RGS22: variants seen among roughly 807,000 people sequenced by gnomAD.
The protein encoded by RGS22 is regulator of G protein signaling 22, also known as regulator of G-protein signaling 22.
RGS22 carries 148 observed loss-of-function variants against 172.9 expected under a neutral mutation model. The ratio of observed to expected loss-of-function variants is 0.86; its 90% confidence interval spans 0.75 to 0.98. The LOEUF (loss-of-function observed/expected upper bound fraction) is 0.98, where lower values mean the gene tolerates loss of function less well. RGS22 is among the 50% of genes least tolerant of loss of function. The pLI is 0.00. For missense variants in RGS22, 1,347 were observed against 1,440.8 expected (o/e 0.93, Z 1.05); for synonymous variants, 458 against 480.2 (o/e 0.95, Z 0.60).
chr8:100,091,578 A>C (rs898362299), intron 3 of RGS22, among the ~76,000 whole-genome samples: 5 of 152,210 alleles, frequency 3.3e-5, no homozygotes, highest in Non-Finnish European at 7.3e-5. Flanking sequence ...CATCTCTATA[A>C]CTTAAAATAG....
intron 14 of RGS22, among the ~76,000 whole-genome samples, chr8:100,014,657 G>A (rs1165345167): frequency 6.6e-6 from 1 of 151,992 alleles, no homozygotes; most frequent in Non-Finnish European, 1.5e-5. Context: ...CAGGCTCTTT[G>A]CTGATTCCTT....
intron 23 of RGS22, among the ~76,000 whole-genome samples, chr8:99,977,136 C>T (rs973267283): frequency 1.3e-5 from 2 of 151,772 alleles, no homozygotes; most frequent in African/African-American, 4.9e-5. Context: ...TGGAATATCA[C>T]TCTGTCACCC....
intron 14 of RGS22, among the ~76,000 whole-genome samples, chr8:100,012,099 TTATATA>T (rs111749978): frequency 6.6e-6 from 1 of 150,390 alleles, no homozygotes; most frequent in South Asian, 2.1e-4. Context: ...ATAATATATA[TTATATA>T]TATATATGTA....
intron 3 of RGS22, among the ~76,000 whole-genome samples, chr8:100,089,891 C>A (rs1053883758): frequency 5.9e-5 from 9 of 152,074 alleles, no homozygotes; most frequent in African/African-American, 2.2e-4. Context: ...AAGTTTTGAG[C>A]CATCTGAACC....
intron 4 of RGS22, among the ~76,000 whole-genome samples, chr8:100,076,100 G>C (rs1348761911): frequency 6.6e-6 from 1 of 152,000 alleles, no homozygotes; most frequent in Non-Finnish European, 1.5e-5. Context: ...AGTTTTAAGA[G>C]TTATTTTTAT....
At chr8:100,073,700 T>C (rs1447116554) in intron 4 of RGS22, among the ~76,000 whole-genome samples, 2 of 152,108 alleles carry the variant, frequency 1.3e-5, no homozygotes, top group African/African-American at 2.4e-5. Flanking sequence ...AAACTACATA[T>C]AAAGATCCAC....
At chr8:99,968,165 A>G (rs1360549434) in intron 23 of RGS22, among the ~76,000 whole-genome samples, 1 of 152,194 alleles carries the variant, frequency 6.6e-6, no homozygotes, top group Non-Finnish European at 1.5e-5. Flanking sequence ...TAAAACTAAC[A>G]AACAGAAAGC....
chr8:100,047,162 A>G (rs1401122501), intron 11 of RGS22, among the ~76,000 whole-genome samples: 1 of 152,144 alleles, frequency 6.6e-6, no homozygotes, highest in Non-Finnish European at 1.5e-5. Context: ...TAAGTTCTCA[A>G]ATTTGAGAAA....
chr8:99,984,394 T>G (rs960332059), intron 21 of RGS22, among the ~76,000 whole-genome samples: 1 of 152,226 alleles, frequency 6.6e-6, no homozygotes, highest in Non-Finnish European at 1.5e-5. Flanking sequence ...TATACAATTA[T>G]AATTTTGAGT....
chr8:100,063,356 C>A, intron 8 of RGS22, 60 bp downstream of exon 8: 1 of 1,272,340 alleles, frequency 7.9e-7, no homozygotes. Context: ...TGCTAAATAA[C>A]CCAAATTAAT....
chr8:99,961,478 T>G (rs1264429929), intron 27 of RGS22, among the ~76,000 whole-genome samples: 1 of 152,198 alleles, frequency 6.6e-6, no homozygotes, highest in African/African-American at 2.4e-5. Flanking sequence ...TTCCCCCTTT[T>G]GCTTGGCACT....
intron 14 of RGS22, among the ~76,000 whole-genome samples, chr8:100,038,368 G>C (rs1420727859): frequency 6.6e-6 from 1 of 151,708 alleles, no homozygotes; most frequent in African/African-American, 2.4e-5. Context: ...TTTGGCTTCA[G>C]GGTGGTCTTG....
intron 23 of RGS22, among the ~76,000 whole-genome samples, chr8:99,969,629 A>G (rs1192303510): frequency 2.0e-5 from 3 of 152,186 alleles, no homozygotes; most frequent in African/African-American, 7.2e-5. Context: ...CAAAAAAGAC[A>G]AAGAAGGGCA....
Position 99,962,400 on chromosome 8 carries a change from C to T in RGS22, c.*39G>A, listed in dbSNP as rs749358594. 7.5e-6 allele frequency: 12 copies of T among 1,610,636 alleles called. No individual in the cohort carries two copies. The South Asian group carries it at 1.3e-4, about 18-fold the overall frequency. On this transcript the variant is annotated 3_prime_UTR_variant, in exon 27 of 28. Transcript: ENST00000360863. Reference sequence around the variant, plus strand: ...CATTCAGACTATGACGTACCTTGAACCTATCAGCAGCAGGATGTAAACATT... The same window carrying T: ...CATTCAGACTATGACGTACCTTGAATCTATCAGCAGCAGGATGTAAACATT...
At chr8:100,091,704 G>T (rs1812594093) in intron 3 of RGS22, among the ~76,000 whole-genome samples, 1 of 152,150 alleles carries the variant, frequency 6.6e-6, no homozygotes, top group Admixed American at 6.5e-5. Flanking sequence ...GATCTATATA[G>T]AGATTTTTCT....
intron 5 of RGS22, among the ~76,000 whole-genome samples, 166 bp downstream of exon 5, chr8:100,071,979 T>C (rs912534757): frequency 6.6e-6 from 1 of 152,232 alleles, no homozygotes; most frequent in African/African-American, 2.4e-5. Context: ...GGAGGCTCTC[T>C]TGAAGCCAGG....
chr8:100,068,211 C>T (rs902309976), intron 6 of RGS22, among the ~76,000 whole-genome samples: 19 of 151,770 alleles, frequency 1.3e-4, no homozygotes, highest in African/African-American at 4.4e-4. Context: ...CAACATAGAC[C>T]CCGTCTCTAC....
Position 100,006,122 on chromosome 8 carries a change from A to C in RGS22, c.2362-13T>G. ...CCACCAGCTCCACCTAAAAAAAATA[A>C]ATAAAGCTTGTGACATCAAGAGAAT... On this transcript the variant is annotated splice_polypyrimidine_tract_variant and intron_variant, in intron 15 of 27. Transcript: ENST00000360863. The C allele has an allele frequency of 6.2e-7, 1 of 1,603,802 alleles. No homozygotes were observed. Among genetic ancestry groups the C allele is most frequent in the South Asian group, 1.1e-5 (1 of 90,264 alleles).
At position 100,056,392 on chromosome 8, in the gene RGS22, G is replaced by A. The variant is rs572436331; in HGVS notation, c.1515-3416C>T. Among the ~76,000 whole-genome samples the A allele has an allele frequency of 1.4e-3, 217 of 152,176 alleles. 1 individual carries two copies. The highest frequency in any genetic ancestry group is 2.3e-3 in the Non-Finnish European group (156 of 68,018). On this transcript the variant is annotated intron_variant, in intron 9 of 27. Coordinates refer to ENST00000360863, the MANE Select transcript of RGS22 (RefSeq NM_015668.5). ...GGCTGCAGAAATTTGCATAAGTAATGATGAGCCAAATGTTAATCGCCAAGA... is the reference window on the plus strand; with the variant it reads ...GGCTGCAGAAATTTGCATAAGTAATAATGAGCCAAATGTTAATCGCCAAGA...
Sources: gnomAD v4.1 joint callset for allele counts (sites outside exome capture counted in the v4.1 genomes callset) on GRCh38, gnomAD v4.1.1 for gene constraint, MANE v1.5 for transcripts, NCBI Gene and HGNC (gene_info 2026-07-23, HGNC 2026-07-21) for gene names.